The following HECW1 variants were observed in gnomAD, a reference collection of about 807,000 sequenced individuals.
HECW1 encodes the protein E3 ubiquitin-protein ligase HECW1.
A neutral mutation model predicts 182.3 loss-of-function variants in HECW1; 61 were observed. The ratio of observed to expected loss-of-function variants is 0.33; its 90% CI spans 0.27 to 0.41. The LOEUF is 0.41. Ranked by LOEUF, HECW1 falls within the 10% of genes least tolerant of loss-of-function variation. The pLI, the probability that HECW1 is intolerant of heterozygous loss-of-function variation, is 1.00. For synonymous variants in HECW1, 859 were observed against 832.6 expected (o/e 1.03, Z -0.55); for missense variants, 1,739 against 2,108.9 (o/e 0.82, Z 3.44).
At chr7:43,513,306 G>C (rs761124910) in intron 24 of HECW1, among the ~76,000 whole-genome samples, 1 of 152,162 alleles carries the variant, frequency 6.6e-6, no homozygotes, top group African/African-American at 2.4e-5. Flanking sequence ...TCTCCACGAC[G>C]CGTGAATGCT....
At chr7:43,179,643 A>C (rs1170548745) in intron 2 of HECW1, among the ~76,000 whole-genome samples, 1 of 152,210 alleles carries the variant, frequency 6.6e-6, no homozygotes, top group African/African-American at 2.4e-5. Flanking sequence ...AGTTTTAAGA[A>C]CAAATGACTA....
In HECW1 at chr7:43,114,243, G is replaced by T. The variant is rs895888969; in HGVS notation, c.-180G>T. 1.5e-6 allele frequency: 2 copies of T among 1,363,036 alleles called. No homozygotes were observed. The highest frequency in any genetic ancestry group is 2.0e-4 in the Middle Eastern group (1 of 5,004). The allele number at this position is 1,363,036 out of a possible 1,614,324, so 84.4% of individuals were successfully genotyped here. A position where few individuals can be genotyped will look rare whatever the true frequency, so the allele number is the denominator to read the frequency against. ...GGAGGCATCTTCTCTCTTTTCCTGG[G>T]ATTTAAACGCGATTTAGGAGGGCAG... On this transcript the variant is annotated 5_prime_UTR_variant, in exon 2 of 30. Transcript: ENST00000395891.
chr7:43,451,724 A>G (rs2077241846), intron 12 of HECW1, among the ~76,000 whole-genome samples: 1 of 152,204 alleles, frequency 6.6e-6, no homozygotes, highest in Non-Finnish European at 1.5e-5. Flanking sequence ...GATACCCCAG[A>G]CATTATATAT....
At chr7:43,396,789 T>A (rs1026608534) in intron 6 of HECW1, 25 bp from the exon 7 acceptor site, 14 of 1,510,754 alleles carry the variant, frequency 9.3e-6, no homozygotes, top group Non-Finnish European at 1.3e-5. Flanking sequence ...GTTTTGTTTG[T>A]CTCCCATTTT....
intron 3 of HECW1, among the ~76,000 whole-genome samples, chr7:43,301,874 CAA>C (rs202061205): frequency 6.5e-4 from 77 of 118,954 alleles, no homozygotes; most frequent in Admixed American, 9.3e-4. Flanking sequence ...GAAACTCTGT[CAA>C]AAAAAAAAAA....
At chr7:43,395,874 A>G (rs755296394) in intron 6 of HECW1, among the ~76,000 whole-genome samples, 7 of 152,216 alleles carry the variant, frequency 4.6e-5, no homozygotes, top group Non-Finnish European at 1.0e-4. Context: ...ATACAGCATC[A>G]AGAATACTAA....
chr7:43,539,933 G>C (rs1202811282), intron 24 of HECW1, among the ~76,000 whole-genome samples: 1 of 152,174 alleles, frequency 6.6e-6, no homozygotes, highest in African/African-American at 2.4e-5. Context: ...TGAAGCACTG[G>C]TGGGGTACCC....
chr7:43,142,523 C>T (rs1343826332), intron 2 of HECW1, among the ~76,000 whole-genome samples: 1 of 152,164 alleles, frequency 6.6e-6, no homozygotes, highest in Admixed American at 6.5e-5. Context: ...AGCTCCCTCC[C>T]CACACAAAGC....
At chr7:43,302,613 C>CTGGTGATGT (rs1806975915) in intron 3 of HECW1, among the ~76,000 whole-genome samples, 3 of 152,264 alleles carry the variant, frequency 2.0e-5, no homozygotes, top group African/African-American at 7.2e-5. Flanking sequence ...GGTACGGGGC[C>CTGGTGATGT]GCCCCGGGAG....
At chr7:43,542,482 T>A (rs1328394951) in intron 26 of HECW1, among the ~76,000 whole-genome samples, 1 of 151,352 alleles carries the variant, frequency 6.6e-6, no homozygotes, top group East Asian at 1.9e-4. Flanking sequence ...AAAATATTCC[T>A]TCCTTTTTAA....
chr7:43,153,116 G>C (rs745699294), intron 2 of HECW1, among the ~76,000 whole-genome samples: 32 of 152,044 alleles, frequency 2.1e-4, no homozygotes, highest in Non-Finnish European at 4.1e-4. Context: ...ATGTGAATTG[G>C]CTTGTTTCCT....
At chr7:43,325,185 A>G (rs1213367615) in intron 5 of HECW1, among the ~76,000 whole-genome samples, 1 of 152,244 alleles carries the variant, frequency 6.6e-6, no homozygotes, top group African/African-American at 2.4e-5. Flanking sequence ...CCATAGTGTC[A>G]ATGGCTATAA....
chr7:43,230,885 T>A (rs1255541281), intron 2 of HECW1, among the ~76,000 whole-genome samples: 3 of 141,578 alleles, frequency 2.1e-5, no homozygotes, highest in Admixed American at 6.9e-5. Context: ...TGCCAAGATT[T>A]AAAAAAAATA....
At chr7:43,124,309 T>A (rs1255579247) in intron 2 of HECW1, among the ~76,000 whole-genome samples, 1 of 152,226 alleles carries the variant, frequency 6.6e-6, no homozygotes, top group African/African-American at 2.4e-5. Context: ...TTTTGAGGGA[T>A]CCAGATATTT....
At chr7:43,436,013 A>G (rs1051787250) in intron 8 of HECW1, among the ~76,000 whole-genome samples, 3 of 152,036 alleles carry the variant, frequency 2.0e-5, no homozygotes, top group Non-Finnish European at 4.4e-5. Flanking sequence ...AAATACAAAA[A>G]ATTAGCTGGA....
intron 8 of HECW1, among the ~76,000 whole-genome samples, chr7:43,430,511 G>T (rs1198768064): frequency 6.6e-6 from 1 of 152,150 alleles, no homozygotes; most frequent in Non-Finnish European, 1.5e-5. Context: ...AAAGCATAAA[G>T]GAGGAAGTAT....
At chr7:43,474,401 A>T (rs2152903322) in intron 16 of HECW1, among the ~76,000 whole-genome samples, 1 of 152,324 alleles carries the variant, frequency 6.6e-6, no homozygotes, top group Middle Eastern at 3.4e-3. Flanking sequence ...GTGAGCCGAG[A>T]TGGCGCCACT....
At chr7:43,420,595 C>A (rs367856687) in intron 8 of HECW1, among the ~76,000 whole-genome samples, 2 of 152,022 alleles carry the variant, frequency 1.3e-5, no homozygotes, top group African/African-American at 4.8e-5. Context: ...ACCCAAACTA[C>A]CCAAATTAGT....
intron 3 of HECW1, among the ~76,000 whole-genome samples, chr7:43,290,644 T>C (rs1805284140): frequency 6.6e-6 from 1 of 152,224 alleles, no homozygotes; most frequent in Non-Finnish European, 1.5e-5. Flanking sequence ...GGGCAATGTC[T>C]GAATTTTATT....
Sources: gnomAD v4.1 joint callset for allele counts (sites outside exome capture counted in the v4.1 genomes callset) on GRCh38, gnomAD v4.1.1 for gene constraint, MANE v1.5 for transcripts, NCBI Gene and HGNC (gene_info 2026-07-23, HGNC 2026-07-21) for gene names.